The following ARID1B variants were observed in gnomAD, a reference collection of about 807,000 sequenced individuals.
ARID1B encodes the protein AT-rich interaction domain 1B.
In ARID1B, 30 loss-of-function variants were observed where a neutral mutation model predicts 212.3. The observed-to-expected ratio is 0.14, with a 90% CI of 0.11 to 0.19. The LOEUF (loss-of-function observed/expected upper bound fraction) is 0.19. ARID1B is among the 10% of genes least tolerant of loss of function. The probability of loss-of-function intolerance (pLI) is 1.00; values close to 1 mark genes in which losing one functional copy is unlikely to be tolerated. For synonymous variants in ARID1B, 1,402 were observed against 1,301.7 expected, an observed-to-expected ratio of 1.08 and a Z score of -1.66; for missense variants, 2,891 against 3,204.0, an observed-to-expected ratio of 0.90 and a Z score of 2.36.
intron 4 of ARID1B, chr6:156,942,258 C>CTA (rs1792731150): frequency 6.6e-6 from 1 of 152,150 alleles, no homozygotes; most frequent in African/African-American, 2.4e-5. Flanking sequence ...TAAGGATGAT[C>CTA]TATAGTTGAT....
At chr6:156,920,806 G>A (rs751116727) in intron 3 of ARID1B, among the ~76,000 whole-genome samples, 2 of 151,774 alleles carry the variant, frequency 1.3e-5, no homozygotes, top group Non-Finnish European at 2.9e-5. Flanking sequence ...AGGCCCTTTG[G>A]TATGTATACA....
At chr6:156,876,399 C>T (rs531408172) in intron 2 of ARID1B, among the ~76,000 whole-genome samples, 1 of 152,182 alleles carries the variant, frequency 6.6e-6, no homozygotes, top group Non-Finnish European at 1.5e-5. Context: ...TCAGCTGTCT[C>T]GTCCTGGTTC....
chr6:157,111,749 A>T (rs1021379093), intron 6 of ARID1B, among the ~76,000 whole-genome samples: 5 of 152,110 alleles, frequency 3.3e-5, no homozygotes, highest in African/African-American at 1.2e-4. Context: ...GATAAAATGA[A>T]TTTTTCATTT....
intron 4 of ARID1B, among the ~76,000 whole-genome samples, chr6:156,952,678 G>A (rs970579328): frequency 3.3e-5 from 5 of 152,212 alleles, no homozygotes; most frequent in African/African-American, 1.2e-4. Flanking sequence ...GGAGTGGGGA[G>A]CAGGGTCTGT....
chr6:156,850,643 A>AT (rs957639790), intron 2 of ARID1B, among the ~76,000 whole-genome samples: 3 of 152,104 alleles, frequency 2.0e-5, no homozygotes, highest in African/African-American at 7.2e-5. Context: ...CAGTTTAAGC[A>AT]TTTTTTTCTT....
At chr6:156,873,219 A>T (rs1485691529) in intron 2 of ARID1B, among the ~76,000 whole-genome samples, 1 of 152,206 alleles carries the variant, frequency 6.6e-6, no homozygotes, top group African/African-American at 2.4e-5. Flanking sequence ...ACAAATTTTC[A>T]TATCATATTT....
intron 4 of ARID1B, among the ~76,000 whole-genome samples, chr6:157,059,224 A>G (rs1783181303): frequency 6.6e-6 from 1 of 152,238 alleles, no homozygotes; most frequent in Non-Finnish European, 1.5e-5. Flanking sequence ...ATTGATGTAT[A>G]AATGAAAGTT....
chr6:157,159,926 C>T (rs549576213), intron 8 of ARID1B, among the ~76,000 whole-genome samples: 9 of 152,316 alleles, frequency 5.9e-5, no homozygotes, highest in Admixed American at 1.3e-4. Flanking sequence ...ATAAAGCTGT[C>T]GCAAAACAAT....
intron 4 of ARID1B, among the ~76,000 whole-genome samples, chr6:157,044,680 T>C (rs991453473): frequency 6.6e-6 from 1 of 152,248 alleles, no homozygotes; most frequent in Non-Finnish European, 1.5e-5. Flanking sequence ...CCAGTTTTAA[T>C]CATTTCTCAT....
At chr6:157,084,133 A>ACCC (rs202241562) in intron 4 of ARID1B, among the ~76,000 whole-genome samples, 2 of 106,242 alleles carry the variant, frequency 1.9e-5, no homozygotes, top group African/African-American at 3.8e-5. Context: ...AGACTTCATC[A>ACCC]CCTCCCCCCC....
At chr6:156,952,098 G>C (rs560864263) in intron 4 of ARID1B, among the ~76,000 whole-genome samples, 1 of 152,198 alleles carries the variant, frequency 6.6e-6, no homozygotes, top group Non-Finnish European at 1.5e-5. Context: ...AACCCATTTA[G>C]TCAGGAAAGA....
chr6:156,954,997 G>A (rs188307082), intron 4 of ARID1B, among the ~76,000 whole-genome samples: 4 of 152,224 alleles, frequency 2.6e-5, no homozygotes, highest in African/African-American at 7.2e-5. Context: ...GCCGTGTATC[G>A]GAGGCGTCAG....
At chr6:156,859,301 C>T (rs1192855810) in intron 2 of ARID1B, among the ~76,000 whole-genome samples, 1 of 152,106 alleles carries the variant, frequency 6.6e-6, no homozygotes, top group Non-Finnish European at 1.5e-5. Flanking sequence ...ATATGTGGTC[C>T]ATCATAGACC....
chr6:157,056,387 A>G (rs1782957041), intron 4 of ARID1B, among the ~76,000 whole-genome samples: 1 of 152,248 alleles, frequency 6.6e-6, no homozygotes, highest in Non-Finnish European at 1.5e-5. Context: ...CAACATTGAA[A>G]AGAAATGATA....
chr6:157,039,155 G>A (rs1472674007), intron 4 of ARID1B, among the ~76,000 whole-genome samples: 6 of 151,994 alleles, frequency 3.9e-5, no homozygotes, highest in South Asian at 2.1e-4. Flanking sequence ...CATTACAGGC[G>A]TTAGCCACTG....
In ARID1B at chr6:157,208,718, T is replaced by TTTC. The variant is rs1007632226; in HGVS notation, c.*829_*830insCTT. 4 of 199,674 alleles carry TTTC rather than the reference T, an allele frequency of 2.0e-5. No individual in the cohort carries two copies. Among genetic ancestry groups the TTTC allele is most frequent in the African/African-American group, 6.9e-5 (3 of 43,620 alleles). 12.4% of individuals were successfully genotyped at this position (199,674 alleles called of 1,614,324 possible). A position where few individuals can be genotyped will look rare whatever the true frequency, so the allele number is the denominator to read the frequency against. On this transcript the variant is annotated 3_prime_UTR_variant, in exon 20 of 20. Coordinates refer to ENST00000636930, the MANE Select transcript of ARID1B (RefSeq NM_001374828.1). The stretch of plus-strand genomic sequence containing the variant: ...CATACCCTCATTTTTTTCTTTTCTT[T>TTTC]TTTTTTTTTTTTTTTAGTACAAAGT...
chr6:156,907,795 C>T (rs76829059), intron 3 of ARID1B, among the ~76,000 whole-genome samples: 7,067 of 150,700 alleles, frequency 0.047, 228 homozygotes, highest in Middle Eastern at 0.11. Context: ...GTTATCCCAG[C>T]TACTTGGGAG....
At chr6:156,927,264 C>T (rs951969264) in intron 3 of ARID1B, among the ~76,000 whole-genome samples, 4 of 152,296 alleles carry the variant, frequency 2.6e-5, no homozygotes, top group African/African-American at 4.8e-5. Flanking sequence ...CTCTCCTTCT[C>T]GTCCTCTCAC....
rs1789927494 is a variant in ARID1B at position 157,148,045 on chromosome 6, A to G, written c.2762-579A>G. On this transcript the variant is annotated intron_variant, in intron 7 of 19. Coordinates refer to ENST00000636930, the MANE Select transcript of ARID1B (RefSeq NM_001374828.1). The surrounding 1 kb of genome is among the most constrained non-coding windows in gnomAD (Gnocchi z 5.6). ...AGCTGCTCGATCTGGTACTCAAGCA[A>G]AAAAAGAAAGAAAGAAAGAAAAATA... Among the ~76,000 whole-genome samples, 1 of 151,092 alleles carries G rather than the reference A, an allele frequency of 6.6e-6. No homozygotes were observed. The highest frequency in any genetic ancestry group is 1.5e-5 in the Non-Finnish European group (1 of 67,906).
Sources: gnomAD v4.1 joint callset for allele counts (sites outside exome capture counted in the v4.1 genomes callset) on GRCh38, gnomAD v4.1.1 for gene constraint, Gnocchi (gnomAD v3.1) non-coding constraint, MANE v1.5 for transcripts, NCBI Gene and HGNC (gene_info 2026-07-23, HGNC 2026-07-21) for gene names.